SCHIP1: variants seen among roughly 807,000 people sequenced by gnomAD.
The protein encoded by SCHIP1 is schwannomin interacting protein 1.
A neutral mutation model predicts 29.7 loss-of-function variants in SCHIP1; 8 were observed. The ratio of observed to expected loss-of-function variants is 0.27; its 90% confidence interval spans 0.16 to 0.49. The LOEUF is 0.49. Ranked by LOEUF, SCHIP1 falls within the 20% of genes least tolerant of loss-of-function variation. The pLI is 0.99. For synonymous variants in SCHIP1, 76 were observed against 94.9 expected (o/e 0.80, Z 1.16); for missense variants, 193 against 294.6 (o/e 0.66, Z 2.52).
chr3:159,403,564 G>A, the SCHIP1 span, among the ~76,000 whole-genome samples: 1 of 152,200 alleles, frequency 6.6e-6, no homozygotes, highest in African/African-American at 2.4e-5. Flanking sequence ...ACACTGGGAA[G>A]AACTCAGCTG....
the SCHIP1 span, among the ~76,000 whole-genome samples, chr3:159,383,277 T>G: frequency 1.3e-5 from 2 of 151,482 alleles, no homozygotes; most frequent in East Asian, 1.9e-4. Context: ...CTTGAATTAA[T>G]TTTTGTATAA....
the SCHIP1 span, among the ~76,000 whole-genome samples, chr3:159,362,986 T>A: frequency 6.6e-6 from 1 of 152,056 alleles, no homozygotes; most frequent in African/African-American, 2.4e-5. Flanking sequence ...GGAAGGGTGG[T>A]TCAAAGAGCC....
At chr3:159,762,799 C>T in the SCHIP1 span, among the ~76,000 whole-genome samples, 1 of 152,194 alleles carries the variant, frequency 6.6e-6, no homozygotes, top group Non-Finnish European at 1.5e-5. Context: ...TCAGGCAGCC[C>T]GTACGTTTTT....
the SCHIP1 span, among the ~76,000 whole-genome samples, chr3:159,431,293 A>C: frequency 6.7e-6 from 1 of 150,192 alleles, no homozygotes; most frequent in Non-Finnish European, 1.5e-5. Context: ...TGTGTGTGGG[A>C]GGGTGTGGTG....
chr3:159,307,343 T>C, the SCHIP1 span, among the ~76,000 whole-genome samples: 2 of 152,168 alleles, frequency 1.3e-5, no homozygotes, highest in African/African-American at 4.8e-5. Flanking sequence ...TTCTCCCCTT[T>C]AAAATGAGGA....
the SCHIP1 span, among the ~76,000 whole-genome samples, chr3:159,826,272 G>T: frequency 7.2e-5 from 11 of 152,128 alleles, no homozygotes; most frequent in Non-Finnish European, 1.3e-4. Context: ...GGGGCAGCCG[G>T]GTGAGTGAGT....
At chr3:159,303,634 G>A in the SCHIP1 span, among the ~76,000 whole-genome samples, 3 of 152,014 alleles carry the variant, frequency 2.0e-5, no homozygotes, top group African/African-American at 7.2e-5. Context: ...TGAGAGCTAG[G>A]GGAAAGCTGT....
the SCHIP1 span, among the ~76,000 whole-genome samples, chr3:159,351,712 C>T: frequency 6.6e-6 from 1 of 152,096 alleles, no homozygotes; most frequent in South Asian, 2.1e-4. Flanking sequence ...TTGGGTTAGT[C>T]CTAGTTTATG....
At chr3:159,699,773 G>A in the SCHIP1 span, among the ~76,000 whole-genome samples, 18 of 152,292 alleles carry the variant, frequency 1.2e-4, no homozygotes, top group African/African-American at 4.1e-4. Flanking sequence ...CCTAGTGATG[G>A]CATAAGAAAA....
chr3:159,891,940 A>G (rs182789690), intron 5 of SCHIP1, among the ~76,000 whole-genome samples, 157 bp from the exon 7 acceptor site: 22 of 152,324 alleles, frequency 1.4e-4, no homozygotes, highest in Admixed American at 1.4e-3. Flanking sequence ...AATTATGCAA[A>G]CTAGACACGT....
chr3:159,544,280 T>C, the SCHIP1 span, among the ~76,000 whole-genome samples: 1 of 152,102 alleles, frequency 6.6e-6, no homozygotes, highest in African/African-American at 2.4e-5. Context: ...TTAAATTTCA[T>C]TGAATGAGTA....
chr3:159,273,533 T>C, the SCHIP1 span: 3 of 1,197,984 alleles, frequency 2.5e-6, no homozygotes, highest in Non-Finnish European at 3.1e-6. Context: ...CTGTGTGTTT[T>C]ATCAATTTGA....
the SCHIP1 span, among the ~76,000 whole-genome samples, chr3:159,625,181 G>A: frequency 2.0e-5 from 3 of 152,108 alleles, no homozygotes; most frequent in Non-Finnish European, 4.4e-5. Context: ...AGAGAAACCA[G>A]GTCCACCTCC....
At chr3:159,706,705 G>C in the SCHIP1 span, among the ~76,000 whole-genome samples, 6 of 152,176 alleles carry the variant, frequency 3.9e-5, no homozygotes, top group African/African-American at 1.2e-4. Flanking sequence ...GAGAACACTG[G>C]AGCTCGTTAC....
At chr3:159,378,437 T>C in the SCHIP1 span, among the ~76,000 whole-genome samples, 1 of 152,196 alleles carries the variant, frequency 6.6e-6, no homozygotes, top group African/African-American at 2.4e-5. Context: ...GGTGGTTGTT[T>C]TTGTTGATGT....
At chr3:159,310,385 T>A in the SCHIP1 span, among the ~76,000 whole-genome samples, 66 of 152,320 alleles carry the variant, frequency 4.3e-4, no homozygotes, top group African/African-American at 1.4e-3. Context: ...CTTTGTTTTT[T>A]AAAAAATGAC....
chr3:159,373,695 G>A, the SCHIP1 span, among the ~76,000 whole-genome samples: 1 of 152,028 alleles, frequency 6.6e-6, no homozygotes, highest in Non-Finnish European at 1.5e-5. Context: ...TCACTTAGCA[G>A]AATGTTCTCC....
chr3:159,887,475 T>C, intron 3 of SCHIP1: 2 of 481,952 alleles, frequency 4.1e-6, no homozygotes, highest in South Asian at 5.8e-5. Context: ...AAGGTTGTTG[T>C]AAATATATTT....
the SCHIP1 span, among the ~76,000 whole-genome samples, chr3:159,722,663 G>C: frequency 1.3e-5 from 2 of 152,130 alleles, no homozygotes; most frequent in East Asian, 3.8e-4. Context: ...ATGTGTGCTT[G>C]TATGCATATC....
Sources: gnomAD v4.1 joint callset for allele counts (sites outside exome capture counted in the v4.1 genomes callset) on GRCh38, gnomAD v4.1.1 for gene constraint, MANE v1.5 for transcripts, NCBI Gene and HGNC (gene_info 2026-07-23, HGNC 2026-07-21) for gene names.